Variants in SLC11A2 observed in about 807,000 individuals in gnomAD.
The protein encoded by SLC11A2 is natural resistance-associated macrophage protein 2.
In SLC11A2, 38 loss-of-function variants were observed where a neutral mutation model predicts 68.0. The ratio of observed to expected loss-of-function variants is 0.56; its 90% CI spans 0.43 to 0.73. The LOEUF (loss-of-function observed/expected upper bound fraction) is 0.73. Ranked by LOEUF, SLC11A2 falls within the 30% of genes least tolerant of loss-of-function variation. The pLI, the probability that SLC11A2 is intolerant of heterozygous loss-of-function variation, is 0.00. For synonymous variants in SLC11A2, 242 were observed against 250.6 expected, an observed-to-expected ratio of 0.97 and a Z score of 0.32; for missense variants, 517 against 690.5, an observed-to-expected ratio of 0.75 and a Z score of 2.82.
intron 11 of SLC11A2, 63 bp from the exon 12 acceptor site, chr12:50,992,992 C>T: frequency 6.3e-7 from 1 of 1,597,872 alleles, no homozygotes; most frequent in East Asian, 2.2e-5. Context: ...ATATCCAAAA[C>T]AGCAGTTCCC....
At chr12:50,953,264 T>C in the SLC11A2 span, among the ~76,000 whole-genome samples, 2 of 152,216 alleles carry the variant, frequency 1.3e-5, no homozygotes. Flanking sequence ...CCACAGGTAT[T>C]GTGCTTCTTA....
At chr12:50,997,153 C>T (rs781269161) in intron 8 of SLC11A2, among the ~76,000 whole-genome samples, 181 bp from the exon 9 acceptor site, 1 of 152,132 alleles carries the variant, frequency 6.6e-6, no homozygotes, top group Non-Finnish European at 1.5e-5. Context: ...TCACAGCTCA[C>T]TGAAACCTCA....
At chr12:51,027,474 C>T (rs990485165), upstream of SLC11A2, among the ~76,000 whole-genome samples, 1 of 151,876 alleles carries the variant, frequency 6.6e-6, no homozygotes, top group Non-Finnish European at 1.5e-5. Context: ...CCAGTTTGAC[C>T]GCCTTAGGTG....
intron 5 of SLC11A2, among the ~76,000 whole-genome samples, chr12:51,003,882 G>A (rs1023500607): frequency 2.0e-5 from 3 of 152,062 alleles, no homozygotes; most frequent in African/African-American, 7.2e-5. Flanking sequence ...CAAGGCTGCA[G>A]TGAGCCATGA....
intron 5 of SLC11A2, among the ~76,000 whole-genome samples, chr12:51,002,350 A>T (rs1942322227): frequency 6.6e-6 from 1 of 152,074 alleles, no homozygotes; most frequent in South Asian, 2.1e-4. Context: ...CCTATCTCAA[A>T]AAAACAGGCC....
At position 51,009,999 on chromosome 12, in the gene SLC11A2, T is replaced by C. The variant is rs1430138323; in HGVS notation, c.34+696A>G. ...GAGTTCAAGACCACCCTGACCAACA[T>C]AGCAAAACCCCATCTCTACTAAAAA... On this transcript the variant is annotated intron_variant, in intron 2 of 15. Transcript: ENST00000262052. 4.6e-5 allele frequency among the ~76,000 whole-genome samples: 7 copies of C among 151,598 alleles called. No homozygotes were observed. In the South Asian group the frequency reaches 6.3e-4, roughly 14 times the overall value.
At chr12:51,003,764 CAAAAAAAA>C (rs34667457) in intron 5 of SLC11A2, among the ~76,000 whole-genome samples, 1 of 66,846 alleles carries the variant, frequency 1.5e-5, no homozygotes, top group Non-Finnish European at 3.3e-5. Context: ...CTCATCTCCA[CAAAAAAAA>C]AAAAAAAAAA....
Position 50,992,174 on chromosome 12 carries a change from T to C in SLC11A2, c.1347+16A>G. The C allele has an allele frequency of 3.1e-6, 5 of 1,613,470 alleles. No individual in the cohort carries two copies. Among genetic ancestry groups the C allele is most frequent in the Non-Finnish European group, 4.2e-6 (5 of 1,179,490 alleles). Reference sequence around the variant, plus strand: ...ACCTGAATAACTAGGATGTGTTTCCTCAGCTTCCTCCTCACCTGTAAGCTC... The same window carrying C: ...ACCTGAATAACTAGGATGTGTTTCCCCAGCTTCCTCCTCACCTGTAAGCTC... On this transcript the variant is annotated intron_variant, in intron 13 of 15. Coordinates refer to ENST00000262052, the MANE Select transcript of SLC11A2 (RefSeq NM_000617.3).
chr12:51,026,021 G>A, intron 1 of SLC11A2: 2 of 1,050,890 alleles, frequency 1.9e-6, no homozygotes, highest in South Asian at 5.5e-5. Context: ...CTGGGAGCTG[G>A]GCCATGTGTC....
chr12:50,992,392 G>T, intron 12 of SLC11A2, 53 bp from the exon 13 acceptor site: 1 of 1,573,114 alleles, frequency 6.4e-7, no homozygotes, highest in Non-Finnish European at 8.7e-7. Flanking sequence ...ACAAAAAAAA[G>T]TTTTGGGGAG....
the SLC11A2 span, among the ~76,000 whole-genome samples, chr12:50,953,093 C>T: frequency 2.0e-5 from 3 of 152,016 alleles, no homozygotes; most frequent in East Asian, 1.9e-4. Context: ...CAATACCAGC[C>T]GACCACTCCC....
chr12:51,012,000 C>G (rs989335671), intron 1 of SLC11A2, among the ~76,000 whole-genome samples: 1 of 152,176 alleles, frequency 6.6e-6, no homozygotes, highest in Non-Finnish European at 1.5e-5. Flanking sequence ...CACTATTTGG[C>G]AGCCTCAAAT....
chr12:50,967,191 C>T, the SLC11A2 span, among the ~76,000 whole-genome samples: 1 of 152,076 alleles, frequency 6.6e-6, no homozygotes, highest in African/African-American at 2.4e-5. Flanking sequence ...TCATGGCTCA[C>T]TGCAGCCTCA....
rs1200652011 is a variant in SLC11A2 at position 51,004,856 on chromosome 12, G to A, written c.361C>T (p.Leu121Phe). The A allele has an allele frequency of 6.2e-7, 1 of 1,614,104 alleles. No homozygotes were observed. Among genetic ancestry groups the A allele is most frequent in the South Asian group, 1.1e-5 (1 of 91,078 alleles). The change falls in exon 5 of 16, where the codon CTT becomes TTT. Residue 121 changes from leucine (L) to phenylalanine (F), a missense_variant. Transcript: ENST00000262052. Reference sequence around the variant, plus strand: ...GTAACCACTCCCAGTCTAGCTGCAAGCCGCTGGAGCAGCAGCCCCACAAGG... The same window carrying A: ...GTAACCACTCCCAGTCTAGCTGCAAACCGCTGGAGCAGCAGCCCCACAAGG... ...ATLVGLLLQRLAARLGVVTGL... is the reference protein window; with the variant it reads ...ATLVGLLLQRFAARLGVVTGL...
downstream of SLC11A2, among the ~76,000 whole-genome samples, chr12:50,985,025 C>T (rs1479857114): frequency 6.6e-6 from 1 of 152,120 alleles, no homozygotes; most frequent in African/African-American, 2.4e-5. Context: ...TTACTTTTGG[C>T]CTTCCAGTTG....
In SLC11A2 at chr12:50,999,267, C is replaced by G. The variant is rs1235501995; in HGVS notation, c.608-26G>C. 1.9e-6 allele frequency: 3 copies of G among 1,613,572 alleles called. No homozygotes were observed. The African/African-American group carries it at 4.0e-5, about 22-fold the overall frequency. On this transcript the variant is annotated intron_variant, in intron 7 of 15. Coordinates refer to ENST00000262052, the MANE Select transcript of SLC11A2 (RefSeq NM_000617.3). ...CTAAAGGAAAAAAGGCAGCAGTGAG[C>G]TCAGAGAAGGTAGACTTCCCCATCT...
the SLC11A2 span, among the ~76,000 whole-genome samples, chr12:50,966,125 CTTGTCT>C: frequency 6.6e-6 from 1 of 152,158 alleles, no homozygotes; most frequent in Non-Finnish European, 1.5e-5. Context: ...TCATGCTTTC[CTTGTCT>C]TTGTCAATCA....
chr12:51,002,195 A>T lies in SLC11A2; in HGVS notation c.430-1776T>A, dbSNP rs376370161. On this transcript the variant is annotated intron_variant, in intron 5 of 15. Coordinates refer to ENST00000262052, the MANE Select transcript of SLC11A2 (RefSeq NM_000617.3). Reference sequence around the variant, plus strand: ...AAACCCTGTCTCTACAAAAAATTTTAAAAATAGCTGGGTATCATGGTGCAC... The same window carrying T: ...AAACCCTGTCTCTACAAAAAATTTTTAAAATAGCTGGGTATCATGGTGCAC... Among the ~76,000 whole-genome samples the T allele has an allele frequency of 6.6e-5, 10 of 152,150 alleles. No individual in the cohort carries two copies. The East Asian group carries it at 7.7e-4, about 12-fold the overall frequency.
chr12:51,014,988 C>T (rs1410277082), intron 1 of SLC11A2, among the ~76,000 whole-genome samples: 1 of 151,206 alleles, frequency 6.6e-6, no homozygotes, highest in African/African-American at 2.4e-5. Flanking sequence ...TGGTGAAACC[C>T]CATCTCTACT....
Sources: allele counts gnomAD v4.1 joint callset (sites outside exome capture counted in the v4.1 genomes callset), GRCh38; gene constraint gnomAD v4.1.1; transcripts MANE v1.5; gene names NCBI Gene and HGNC (gene_info 2026-07-23, HGNC 2026-07-21).